The following RBM47 variants were observed in gnomAD, a reference collection of about 807,000 sequenced individuals.
The protein encoded by RBM47 is RNA-binding protein 47.
Under a neutral mutation model 47.1 loss-of-function variants are expected in RBM47, and 21 were observed. That is an observed-to-expected ratio of 0.45 (90% CI 0.32 to 0.64). RBM47 has a LOEUF of 0.64. Ranked by LOEUF, RBM47 falls within the 30% of genes least tolerant of loss-of-function variation. The pLI is 0.05. For synonymous variants in RBM47, 375 were observed against 361.7 expected (o/e 1.04, Z -0.42); for missense variants, 708 against 870.9 (o/e 0.81, Z 2.35).
intron 2 of RBM47, among the ~76,000 whole-genome samples, chr4:40,519,758 C>T (rs903651654): frequency 1.3e-4 from 19 of 145,732 alleles, no homozygotes; most frequent in African/African-American, 4.5e-4. Flanking sequence ...CAACCTCCAT[C>T]TCCCAGGTTC....
chr4:40,487,857 A>G (rs1021913047), intron 2 of RBM47, among the ~76,000 whole-genome samples: 2 of 152,356 alleles, frequency 1.3e-5, no homozygotes, highest in East Asian at 3.9e-4. Flanking sequence ...ATCAATTTAT[A>G]TGCTAATGAA....
intron 2 of RBM47, among the ~76,000 whole-genome samples, chr4:40,531,046 C>T (rs937704099): frequency 2.0e-5 from 3 of 152,144 alleles, no homozygotes; most frequent in South Asian, 4.1e-4. Context: ...CTACAGTGAG[C>T]CATGATCGCG....
At chr4:40,519,810 C>G (rs997207599) in intron 2 of RBM47, among the ~76,000 whole-genome samples, 2 of 151,960 alleles carry the variant, frequency 1.3e-5, no homozygotes, top group East Asian at 3.9e-4. Flanking sequence ...GATGGGACAA[C>G]AGGCGCCCGC....
intron 1 of RBM47, among the ~76,000 whole-genome samples, chr4:40,616,251 G>A (rs2154280250): frequency 6.6e-6 from 1 of 151,952 alleles, no homozygotes; most frequent in Non-Finnish European, 1.5e-5. Context: ...CTACTCTGGA[G>A]GCTGAGGCAG....
At chr4:40,530,159 C>A (rs995240111) in intron 2 of RBM47, among the ~76,000 whole-genome samples, 1 of 151,784 alleles carries the variant, frequency 6.6e-6, no homozygotes, top group African/African-American at 2.4e-5. Context: ...TAGTCTGGAA[C>A]TCCCGACCTC....
At chr4:40,429,759 C>A (rs1474017131) in intron 6 of RBM47, among the ~76,000 whole-genome samples, 1 of 150,576 alleles carries the variant, frequency 6.6e-6, no homozygotes, top group Non-Finnish European at 1.5e-5. Flanking sequence ...GTCTTCCCTC[C>A]TGTCAAGGAG....
chr4:40,456,086 T>C (rs1178060254), intron 3 of RBM47, among the ~76,000 whole-genome samples: 2 of 152,262 alleles, frequency 1.3e-5, no homozygotes, highest in East Asian at 3.8e-4. Context: ...GCTACTACTA[T>C]GTTCTCTTTT....
intron 1 of RBM47, among the ~76,000 whole-genome samples, chr4:40,594,644 T>G (rs1018232510): frequency 1.3e-5 from 2 of 152,200 alleles, no homozygotes; most frequent in African/African-American, 4.8e-5. Context: ...CAACCTGATA[T>G]ATCAGTCTCA....
chr4:40,582,786 G>C (rs1157910992), intron 1 of RBM47, among the ~76,000 whole-genome samples: 1 of 152,090 alleles, frequency 6.6e-6, no homozygotes. Flanking sequence ...TCAACGCCTA[G>C]TCAGTCATCA....
chr4:40,519,604 A>G (rs946609066), intron 2 of RBM47, among the ~76,000 whole-genome samples: 5 of 146,592 alleles, frequency 3.4e-5, no homozygotes, highest in Non-Finnish European at 6.0e-5. Context: ...GCATCCTTCA[A>G]TCCTTTACCT....
intron 1 of RBM47, among the ~76,000 whole-genome samples, chr4:40,601,691 A>T (rs2154277468): frequency 6.6e-6 from 1 of 152,242 alleles, no homozygotes; most frequent in African/African-American, 2.4e-5. Context: ...TCCATTGTGG[A>T]TTTATCATGT....
Position 40,534,528 on chromosome 4 carries a change from T to C in RBM47, c.-155+9894A>G, listed in dbSNP as rs149724441. 5.2e-4 allele frequency among the ~76,000 whole-genome samples: 78 copies of C among 150,578 alleles called. 1 individual carries two copies. The East Asian group carries it at 0.014, about 28-fold the overall frequency. On this transcript the variant is annotated intron_variant, in intron 2 of 6. Transcript: ENST00000295971. ...ATTCCATGATTTTCAATGCATCCTT[T>C]GGTCATTTTCACTGAACTGTGAGTT...
chr4:40,470,831 T>C (rs2154236485), intron 2 of RBM47, among the ~76,000 whole-genome samples: 1 of 152,214 alleles, frequency 6.6e-6, no homozygotes, highest in South Asian at 2.1e-4. Context: ...CAGCCTCTGC[T>C]TCCCGGGTTC....
chr4:40,447,938 G>A (rs944630247), intron 3 of RBM47, among the ~76,000 whole-genome samples: 3 of 152,216 alleles, frequency 2.0e-5, no homozygotes, highest in African/African-American at 4.8e-5. Context: ...GTGAACCCGG[G>A]AGGTGGAGCT....
chr4:40,478,212 A>G (rs1004178908), intron 2 of RBM47, among the ~76,000 whole-genome samples: 1 of 151,706 alleles, frequency 6.6e-6, no homozygotes, highest in South Asian at 2.1e-4. Flanking sequence ...ACGGGGTTTC[A>G]CCATGTTGGT....
chr4:40,502,150 T>C (rs1028077639), intron 2 of RBM47: 1 of 154,306 alleles, frequency 6.5e-6, no homozygotes, highest in Non-Finnish European at 1.5e-5. Flanking sequence ...GAGGCCAAGC[T>C]TGAGCATTTT....
intron 1 of RBM47, among the ~76,000 whole-genome samples, chr4:40,611,466 G>A (rs1026026928): frequency 2.0e-5 from 3 of 152,004 alleles, no homozygotes; most frequent in Non-Finnish European, 2.9e-5. Flanking sequence ...GGTGGCTCAC[G>A]CCTGTAATCC....
intron 2 of RBM47, among the ~76,000 whole-genome samples, chr4:40,524,519 C>T (rs958177829): frequency 1.3e-5 from 2 of 152,180 alleles, no homozygotes; most frequent in Admixed American, 6.5e-5. Flanking sequence ...TCACAGCAAC[C>T]GTGAAAACCA....
chr4:40,541,125 T>TA (rs541698566), intron 2 of RBM47, among the ~76,000 whole-genome samples: 4 of 149,986 alleles, frequency 2.7e-5, no homozygotes, highest in Non-Finnish European at 5.9e-5. Context: ...CTCATCTCTA[T>TA]AAAAAATTAA....
Sources: gnomAD v4.1 joint callset for allele counts (sites outside exome capture counted in the v4.1 genomes callset) on GRCh38, gnomAD v4.1.1 for gene constraint, MANE v1.5 for transcripts, NCBI Gene and HGNC (gene_info 2026-07-23, HGNC 2026-07-21) for gene names.